GRID1: variants seen among roughly 807,000 people sequenced by gnomAD.
The protein encoded by GRID1 is glutamate ionotropic receptor delta type subunit 1.
Under a neutral mutation model 98.0 loss-of-function variants are expected in GRID1, and 28 were observed. The observed-to-expected ratio is 0.29, with a 90% confidence interval of 0.21 to 0.39. The LOEUF is 0.39. GRID1 is among the 10% of genes least tolerant of loss of function. The pLI is 1.00. For synonymous variants in GRID1, 553 were observed against 538.5 expected (o/e 1.03, Z -0.37); for missense variants, 1,111 against 1,340.5 (o/e 0.83, Z 2.67).
chr10:85,962,205 C>G (rs985780519), intron 4 of GRID1, among the ~76,000 whole-genome samples: 1 of 151,998 alleles, frequency 6.6e-6, no homozygotes, highest in Non-Finnish European at 1.5e-5. Context: ...GGTCTGCCAC[C>G]CTTCCCTTCC....
chr10:86,186,390 G>A (rs1016565956), intron 3 of GRID1, among the ~76,000 whole-genome samples: 1 of 152,044 alleles, frequency 6.6e-6, no homozygotes, highest in East Asian at 1.9e-4. Context: ...TTTCTCTACT[G>A]TTTTTCTGAT....
intron 4 of GRID1, among the ~76,000 whole-genome samples, chr10:85,987,642 C>T (rs1002545435): frequency 7.3e-5 from 11 of 150,778 alleles, no homozygotes; most frequent in African/African-American, 2.7e-4. Context: ...CCTTACCCTG[C>T]TCTACTCCAA....
At chr10:85,958,969 A>AG (rs1554842509) in intron 4 of GRID1, among the ~76,000 whole-genome samples, 4 of 151,062 alleles carry the variant, frequency 2.6e-5, no homozygotes, top group African/African-American at 4.9e-5. Context: ...AAAAAAAAAA[A>AG]AAAGAAAGAA....
At chr10:86,004,478 G>C (rs1268023230) in intron 4 of GRID1, among the ~76,000 whole-genome samples, 1 of 152,144 alleles carries the variant, frequency 6.6e-6, no homozygotes, top group African/African-American at 2.4e-5. Flanking sequence ...CTCTGACTTT[G>C]AGTAAAGCAG....
At chr10:85,995,041 C>G (rs1842724298) in intron 4 of GRID1, among the ~76,000 whole-genome samples, 1 of 152,080 alleles carries the variant, frequency 6.6e-6, no homozygotes, top group Admixed American at 6.5e-5. Context: ...GTTTTATGTT[C>G]TTTCCATTTA....
At chr10:85,820,636 C>T (rs764128500) in intron 8 of GRID1, among the ~76,000 whole-genome samples, 1 of 152,128 alleles carries the variant, frequency 6.6e-6, no homozygotes, top group African/African-American at 2.4e-5. Flanking sequence ...GGAAGTACAT[C>T]AAATAATTAT....
At chr10:86,322,717 TA>T (rs1342047260) in intron 2 of GRID1, among the ~76,000 whole-genome samples, 1 of 150,460 alleles carries the variant, frequency 6.6e-6, no homozygotes, top group Non-Finnish European at 1.5e-5. Flanking sequence ...GGCCTTGAAT[TA>T]TTTTTTTTTA....
intron 4 of GRID1, among the ~76,000 whole-genome samples, chr10:86,131,346 C>A (rs1844834510): frequency 6.6e-6 from 1 of 152,164 alleles, no homozygotes; most frequent in South Asian, 2.1e-4. Context: ...ATTTCGGCTG[C>A]TGCAGGCTGT....
At chr10:86,324,663 T>C (rs1848019104) in intron 2 of GRID1, among the ~76,000 whole-genome samples, 1 of 152,032 alleles carries the variant, frequency 6.6e-6, no homozygotes, top group African/African-American at 2.4e-5. Context: ...AGGGCAAAAG[T>C]AGCACAAGAA....
chr10:85,770,818 G>A (rs1842257088), intron 8 of GRID1, among the ~76,000 whole-genome samples: 1 of 152,164 alleles, frequency 6.6e-6, no homozygotes, highest in South Asian at 2.1e-4. Flanking sequence ...AGAAATATGG[G>A]ACTATGTGAA....
rs187271085 is a variant in GRID1 at position 85,880,204 on chromosome 10, C to T, written c.781-11024G>A. Among the ~76,000 whole-genome samples, 530 of 152,294 alleles carry T rather than the reference C, an allele frequency of 3.5e-3. 6 individuals carry two copies. Among genetic ancestry groups the T allele is most frequent in the African/African-American group, 0.012 (480 of 41,570 alleles). ...ATTCCACCACAGGTACAAGGAGGAG[C>T]TGGTACCATTCCTTCTGAAACTATT... On this transcript the variant is annotated intron_variant, in intron 5 of 15. Transcript: ENST00000327946.
intron 4 of GRID1, among the ~76,000 whole-genome samples, chr10:85,963,682 G>C (rs865941330): frequency 1.2e-4 from 18 of 152,234 alleles, no homozygotes; most frequent in Middle Eastern, 6.8e-3. Flanking sequence ...GTCACACCTT[G>C]CCTCAAAGGT....
At chr10:85,928,594 C>A (rs1272527901) in intron 4 of GRID1, among the ~76,000 whole-genome samples, 1 of 152,254 alleles carries the variant, frequency 6.6e-6, no homozygotes, top group Non-Finnish European at 1.5e-5. Context: ...GACTGATTCA[C>A]TATTGCGGAG....
intron 8 of GRID1, among the ~76,000 whole-genome samples, chr10:85,848,574 T>C (rs1482891853): frequency 6.6e-6 from 1 of 152,160 alleles, no homozygotes; most frequent in Non-Finnish European, 1.5e-5. Context: ...TAAATATACA[T>C]ATCATGATCT....
chr10:86,156,097 A>C (rs994316480), intron 3 of GRID1, among the ~76,000 whole-genome samples: 1 of 152,226 alleles, frequency 6.6e-6, no homozygotes, highest in South Asian at 2.1e-4. Flanking sequence ...CTCCATCCAC[A>C]TGTAAATGGT....
At position 85,882,168 on chromosome 10, in the gene GRID1, A is replaced by G. The variant is rs527746714; in HGVS notation, c.781-12988T>C. 3.0e-3 allele frequency among the ~76,000 whole-genome samples: 451 copies of G among 152,200 alleles called. 3 individuals carry two copies. Among genetic ancestry groups the G allele is most frequent in the African/African-American group, 9.3e-3 (386 of 41,534 alleles). The stretch of plus-strand genomic sequence containing the variant: ...GGAGAAATAGGAACACTTTTACACC[A>G]TTGGTGGGACTGTAAACTAGTTCAA... On this transcript the variant is annotated intron_variant, in intron 5 of 15. Coordinates refer to ENST00000327946, the MANE Select transcript of GRID1 (RefSeq NM_017551.3).
intron 2 of GRID1, among the ~76,000 whole-genome samples, chr10:86,292,646 G>A (rs1847531413): frequency 6.6e-6 from 1 of 152,150 alleles, no homozygotes; most frequent in African/African-American, 2.4e-5. Flanking sequence ...GCATTTCCGT[G>A]TGTGCATGTG....
At chr10:85,929,782 T>C (rs1338642198) in intron 4 of GRID1, among the ~76,000 whole-genome samples, 1 of 152,216 alleles carries the variant, frequency 6.6e-6, no homozygotes, top group Non-Finnish European at 1.5e-5. Context: ...GGCAAACACT[T>C]ATAACTCTTT....
intron 4 of GRID1, among the ~76,000 whole-genome samples, chr10:86,129,344 T>C (rs1301871781): frequency 1.3e-5 from 2 of 152,198 alleles, no homozygotes; most frequent in African/African-American, 4.8e-5. Flanking sequence ...GATCTGTCAA[T>C]GGCAACAAGC....
Sources: gnomAD v4.1 joint callset for allele counts (sites outside exome capture counted in the v4.1 genomes callset) on GRCh38, gnomAD v4.1.1 for gene constraint, MANE v1.5 for transcripts, NCBI Gene and HGNC (gene_info 2026-07-23, HGNC 2026-07-21) for gene names.